DHODH: variants seen among roughly 807,000 people sequenced by gnomAD.
DHODH encodes dihydroorotate dehydrogenase (quinone), mitochondrial.
DHODH carries 30 observed loss-of-function variants against 39.7 expected under a neutral mutation model. The observed-to-expected ratio is 0.76, with a 90% CI of 0.57 to 1.02. DHODH has a LOEUF of 1.02. Ranked by LOEUF, DHODH falls within the 50% of genes least tolerant of loss-of-function variation. The pLI is 0.00. For synonymous variants in DHODH, 222 were observed against 213.8 expected (o/e 1.04, Z -0.34); for missense variants, 531 against 520.8 (o/e 1.02, Z -0.19).
chr16:72,009,081 C>G, intron 1 of DHODH: 1 of 1,354,210 alleles, frequency 7.4e-7, no homozygotes, highest in Non-Finnish European at 9.5e-7. Context: ...CACATGACCG[C>G]CTAGCGTTGT....
chr16:72,020,373 T>TATATATATATGTGTATATATATATA (rs1273739362), intron 4 of DHODH: 1 of 88,310 alleles, frequency 1.1e-5, no homozygotes, highest in Non-Finnish European at 2.1e-5. Context: ...ATATATATAT[T>TATATATATATGTGTATATATATATA]TTTTTTTTTT....
chr16:72,023,229 C>T lies in DHODH; in HGVS notation c.884C>T (p.Ala295Val), dbSNP rs373013597. The change falls in exon 7 of 9, where the codon GCC becomes GTC. Residue 295 changes from alanine to valine, a missense_variant. By Grantham distance (64) the Ala-to-Val change is moderately conservative (BLOSUM62 0). Transcript: ENST00000219240. ...TVSRPAGLQG[A>V]LRSETGGLSG... Reference sequence around the variant, plus strand: ...AGTCGCCCTGCGGGCCTCCAGGGTGCCCTGCGCTCTGAAACAGGAGGGCTG... The same window carrying T: ...AGTCGCCCTGCGGGCCTCCAGGGTGTCCTGCGCTCTGAAACAGGAGGGCTG... The T allele has an allele frequency of 6.2e-7, 1 of 1,614,184 alleles. No homozygotes were observed. Among genetic ancestry groups the T allele is most frequent in the African/African-American group, 1.3e-5 (1 of 75,046 alleles).
At chr16:72,021,862 C>T (rs1470495541) in intron 5 of DHODH, among the ~76,000 whole-genome samples, 2 of 151,950 alleles carry the variant, frequency 1.3e-5, no homozygotes, top group East Asian at 1.9e-4. Flanking sequence ...ACTTGGAGGC[C>T]GAGGCAGGCA....
rs770187150 is a variant in DHODH at position 72,021,291 on chromosome 16, C to T, written c.685C>T (p.Leu229=). The T allele has an allele frequency of 6.2e-7, 1 of 1,608,380 alleles. No homozygotes were observed. The highest frequency in any genetic ancestry group is 1.1e-5 in the South Asian group (1 of 90,114). The stretch of plus-strand genomic sequence containing the variant: ...GCGGAGCCTTCAGGGAAAGGCCGAG[C>T]TGCGCCGCCTGCTGACCAAGGTGGG... ...GLRSLQGKAE[L]RRLLTKVLQE... is the part of the protein sequence containing the mutation. The change falls in exon 5 of 9, where the codon CTG becomes TTG. Residue 229 remains leucine, a synonymous_variant. Transcript: ENST00000219240.
rs1163681249 is a variant in DHODH at position 72,025,066 on chromosome 16, C to A, written c.*867C>A. On this transcript the variant is annotated 3_prime_UTR_variant, in exon 9 of 9. Coordinates refer to ENST00000219240, the MANE Select transcript of DHODH (RefSeq NM_001361.5). ...TCTTATGTATTTATTATTGCTGAGT[C>A]ATTGGTGCCTTATTCTTCAGTGTTT... 6.6e-6 allele frequency: 1 copy of A among 152,192 alleles called. No homozygotes were observed. Among genetic ancestry groups the A allele is most frequent in the Non-Finnish European group, 1.5e-5 (1 of 68,032 alleles). 9.4% of individuals were successfully genotyped at this position (152,192 alleles called of 1,614,324 possible).
chr16:72,022,292 G>A (rs1383765720), intron 5 of DHODH, 70 bp from the exon 6 acceptor site: 1 of 1,135,504 alleles, frequency 8.8e-7, no homozygotes, highest in Non-Finnish European at 1.3e-6. Flanking sequence ...CTGACCTGCA[G>A]CGTAGGTCAC....
Position 72,012,151 on chromosome 16 carries a change from G to T in DHODH, c.123G>T (p.Leu41=), listed in dbSNP as rs747071335. ...TGDERFYAEH[L]MPTLQGLLDP... The stretch of plus-strand genomic sequence containing the variant: ...ATGAGCGTTTCTATGCTGAACACCT[G>T]ATGCCGACTCTGCAGGGGCTGCTGG... Residue 41 remains leucine (L), a synonymous_variant, in exon 2 of 9, where the codon CTG becomes CTT. Transcript: ENST00000219240. 2 of 1,614,140 alleles carry T rather than the reference G, an allele frequency of 1.2e-6. No individual in the cohort carries two copies. Among genetic ancestry groups the T allele is most frequent in the South Asian group, 2.2e-5 (2 of 91,080 alleles).
intron 1 of DHODH, among the ~76,000 whole-genome samples, chr16:72,010,289 C>A (rs770772530): frequency 6.6e-6 from 1 of 152,154 alleles, no homozygotes; most frequent in African/African-American, 2.4e-5. Context: ...TCCGTACTGC[C>A]TTCTGGTTAA....
intron 1 of DHODH, among the ~76,000 whole-genome samples, chr16:72,010,049 A>G (rs977434399): frequency 6.6e-6 from 1 of 152,206 alleles, no homozygotes; most frequent in Non-Finnish European, 1.5e-5. Context: ...CGCCCAGCCA[A>G]TGAATACTTG....
chr16:72,018,162 G>A (rs565568153), intron 4 of DHODH, among the ~76,000 whole-genome samples: 12 of 152,316 alleles, frequency 7.9e-5, no homozygotes, highest in South Asian at 6.2e-4. Context: ...CTTAGTGGTC[G>A]CAGCCCTCTG....
chr16:72,008,793 C>T lies in DHODH; in HGVS notation c.21+8C>T, dbSNP rs775336922. On this transcript the variant is annotated splice_region_variant and intron_variant, in intron 1 of 8. Coordinates refer to ENST00000219240, the MANE Select transcript of DHODH (RefSeq NM_001361.5). ...GCGTGGAGACACCTGAAAGTGAGTC[C>T]CGCGAGTGAGCAGTGTGGATGGGGG... The T allele has an allele frequency of 3.2e-6, 5 of 1,551,990 alleles. No individual in the cohort carries two copies. In the East Asian group the frequency reaches 7.3e-5, roughly 23 times the overall value.
At chr16:72,020,353 A>ATATATATATATGTG (rs1491148985) in intron 4 of DHODH, 2 of 109,436 alleles carry the variant, frequency 1.8e-5, no homozygotes, top group African/African-American at 8.1e-5. Flanking sequence ...ATATATATAT[A>ATATATATATATGTG]TGTGTATATA....
At position 72,025,541 on chromosome 16, in the gene DHODH, G is replaced by C. The variant is rs556917814; in HGVS notation, c.*1342G>C. The C allele has an allele frequency of 6.6e-6, 1 of 152,230 alleles. No individual in the cohort carries two copies. The highest frequency in any genetic ancestry group is 1.5e-5 in the Non-Finnish European group (1 of 68,080). The allele number at this position is 152,230 out of a possible 1,614,324, so 9.4% of individuals were successfully genotyped here. ...CTTCCGGCGTTTTCCTATCACCATC[G>C]GTGCCTCCGTGAACACCTTGTGAAT... On this transcript the variant is annotated 3_prime_UTR_variant, in exon 9 of 9. Coordinates refer to ENST00000219240, the MANE Select transcript of DHODH (RefSeq NM_001361.5).
At chr16:72,020,755 T>C (rs943312140) in intron 4 of DHODH, among the ~76,000 whole-genome samples, 1 of 151,912 alleles carries the variant, frequency 6.6e-6, no homozygotes, top group Non-Finnish European at 1.5e-5. Flanking sequence ...GAGGTGAGAG[T>C]TGCGGGCCTG....
intron 4 of DHODH, among the ~76,000 whole-genome samples, chr16:72,019,823 C>T (rs2041183196): frequency 6.6e-6 from 1 of 152,194 alleles, no homozygotes; most frequent in Admixed American, 6.5e-5. Context: ...AAAACAATTA[C>T]ACCTCTACAT....
intron 1 of DHODH, among the ~76,000 whole-genome samples, chr16:72,011,008 G>A (rs950711712): frequency 2.0e-4 from 30 of 149,518 alleles, no homozygotes; most frequent in Non-Finnish European, 3.8e-4. Flanking sequence ...TTACAAGCAT[G>A]AGCCACCAAG....
At chr16:72,023,417 GA>G in intron 7 of DHODH, 56 bp from the exon 8 acceptor site, 1 of 1,613,956 alleles carries the variant, frequency 6.2e-7, no homozygotes, top group Non-Finnish European at 8.5e-7. Flanking sequence ...GATTGTGGGG[GA>G]CTCTGGGGCT....
At position 72,017,088 on chromosome 16, in the gene DHODH, C is replaced by A. The variant is rs771948980; in HGVS notation, c.499C>A (p.Gln167Lys). Reference protein sequence around the residue: ...EHRLRARQQKQAKLTEDGLPL... With the variant: ...EHRLRARQQKKAKLTEDGLPL... ...CAGGTTACGGGCCAGACAGCAGAAG[C>A]AGGCCAAGCTCACAGAAGGTAAAGT... Residue 167 changes from glutamine to lysine, a missense_variant, in exon 4 of 9, where the codon CAG (glutamine) becomes AAG (lysine). By Grantham distance (53) the Gln-to-Lys change is moderately conservative. Coordinates refer to ENST00000219240, the MANE Select transcript of DHODH (RefSeq NM_001361.5). 3 of 1,614,050 alleles carry A rather than the reference C, an allele frequency of 1.9e-6. No homozygotes were observed. The highest frequency in any genetic ancestry group is 2.5e-6 in the Non-Finnish European group (3 of 1,179,958).
At chr16:72,014,330 G>A in intron 2 of DHODH, 143 bp from the exon 3 acceptor site, 3 of 772,888 alleles carry the variant, frequency 3.9e-6, no homozygotes, top group Non-Finnish European at 6.6e-6. Context: ...CACCCCCAAA[G>A]ATTTTGACCT....
Sources: gnomAD v4.1 joint callset for allele counts (sites outside exome capture counted in the v4.1 genomes callset) on GRCh38, gnomAD v4.1.1 for gene constraint, MANE v1.5 for transcripts, NCBI Gene and HGNC (gene_info 2026-07-23, HGNC 2026-07-21) for gene names.